Variants in IGF1R observed in about 807,000 individuals in gnomAD.
The protein encoded by IGF1R is insulin-like growth factor 1 receptor.
IGF1R carries 44 observed loss-of-function variants against 144.6 expected under a neutral mutation model. The ratio of observed to expected loss-of-function variants is 0.30; its 90% confidence interval spans 0.24 to 0.39. The LOEUF is 0.39. Among genes scored for constraint, IGF1R ranks in the 10% least tolerant of loss-of-function variants. The pLI, the probability that IGF1R is intolerant of heterozygous loss-of-function variation, is 1.00. For synonymous variants in IGF1R, 795 were observed against 722.8 expected (o/e 1.10, Z -1.60); for missense variants, 1,355 against 1,833.7 (o/e 0.74, Z 4.77).
chr15:98,793,105 G>A (rs2056163405), intron 2 of IGF1R, among the ~76,000 whole-genome samples: 1 of 152,196 alleles, frequency 6.6e-6, no homozygotes, highest in Non-Finnish European at 1.5e-5. Context: ...TTACTAATCT[G>A]TGAAGTTGCT....
intron 1 of IGF1R, among the ~76,000 whole-genome samples, chr15:98,680,240 C>T (rs1047330826): frequency 7.3e-5 from 11 of 151,654 alleles, no homozygotes; most frequent in Non-Finnish European, 1.0e-4. Flanking sequence ...AAGCTTTATT[C>T]GTGGTGGTAC....
chr15:98,827,311 C>G (rs769456364), intron 2 of IGF1R, among the ~76,000 whole-genome samples: 1 of 152,168 alleles, frequency 6.6e-6, no homozygotes, highest in Non-Finnish European at 1.5e-5. Context: ...TGCACTATGC[C>G]CTGTAACCTC....
At chr15:98,904,379 T>C (rs1439242609) in intron 5 of IGF1R, among the ~76,000 whole-genome samples, 1 of 152,038 alleles carries the variant, frequency 6.6e-6, no homozygotes, top group African/African-American at 2.4e-5. Flanking sequence ...ATAGGCAGGT[T>C]ATACTTCAGA....
Position 98,957,417 on chromosome 15 carries a change from C to G in IGF1R, c.4079C>G (p.Pro1360Arg), listed in dbSNP as rs779623011. 3 of 1,613,190 alleles carry G rather than the reference C, an allele frequency of 1.9e-6. No individual in the cohort carries two copies. The highest frequency in any genetic ancestry group is 2.5e-6 in the Non-Finnish European group (3 of 1,180,046). Residue 1360 changes from proline (P) to arginine (R), a missense_variant, in exon 21 of 21, where the codon CCG (proline) becomes CGG (arginine). Coordinates refer to ENST00000650285, the MANE Select transcript of IGF1R (RefSeq NM_000875.5). ...GGCCGCAAGAACGAGCGGGCCTTGCCGCTGCCCCAGTCTTCGACCTGCTGA... is the reference window on the plus strand; with the variant it reads ...GGCCGCAAGAACGAGCGGGCCTTGCGGCTGCCCCAGTCTTCGACCTGCTGA... ...NGGRKNERAL[P>R]LPQSSTC is the part of the protein sequence containing the mutation.
rs1301034780 is a variant in IGF1R at position 98,964,129 on chromosome 15, G to C, written c.*6687G>C. ...TACCTCTGGGTATCCCTTTGTCTGG[G>C]ATAAAAAAAATCAAACCAGAAGGCG... On this transcript the variant is annotated 3_prime_UTR_variant, in exon 21 of 21. Transcript: ENST00000650285. The C allele has an allele frequency of 4.3e-6, 1 of 232,078 alleles. No individual in the cohort carries two copies. The highest frequency in any genetic ancestry group is 8.5e-6 in the Non-Finnish European group (1 of 117,556). 14.4% of individuals were successfully genotyped at this position (232,078 alleles called of 1,614,324 possible).
chr15:98,763,399 T>C (rs1189570730), intron 2 of IGF1R, among the ~76,000 whole-genome samples: 2 of 152,198 alleles, frequency 1.3e-5, no homozygotes, highest in East Asian at 1.9e-4. Context: ...CCTTAGTTTG[T>C]TTGCTTGTTT....
At chr15:98,682,695 G>C (rs45624137) in intron 1 of IGF1R, among the ~76,000 whole-genome samples, 1 of 151,824 alleles carries the variant, frequency 6.6e-6, no homozygotes, top group African/African-American at 2.4e-5. Flanking sequence ...TTACAGGCAC[G>C]TGCCACCATG....
At chr15:98,930,947 G>T (rs1163796704) in intron 15 of IGF1R, among the ~76,000 whole-genome samples, 1 of 152,120 alleles carries the variant, frequency 6.6e-6, no homozygotes, top group African/African-American at 2.4e-5. Flanking sequence ...TGAGTGAGTC[G>T]GATTAGGGTG....
intron 2 of IGF1R, among the ~76,000 whole-genome samples, chr15:98,744,665 C>G (rs1335502491): frequency 6.6e-6 from 1 of 151,960 alleles, no homozygotes; most frequent in Non-Finnish European, 1.5e-5. Context: ...ACCCAGAGGT[C>G]TGAGGACAGG....
intron 1 of IGF1R, among the ~76,000 whole-genome samples, chr15:98,689,536 A>G (rs911535611): frequency 1.5e-5 from 2 of 130,606 alleles, no homozygotes; most frequent in African/African-American, 3.4e-5. Flanking sequence ...CAGTTGCACT[A>G]CATTTTTTTT....
intron 2 of IGF1R, among the ~76,000 whole-genome samples, chr15:98,815,947 A>G (rs761385427): frequency 6.6e-6 from 1 of 152,150 alleles, no homozygotes; most frequent in Non-Finnish European, 1.5e-5. Flanking sequence ...TCAATATGGT[A>G]AAATATTTGC....
At chr15:98,851,932 T>C (rs1428893005) in intron 2 of IGF1R, among the ~76,000 whole-genome samples, 1 of 152,212 alleles carries the variant, frequency 6.6e-6, no homozygotes, top group Non-Finnish European at 1.5e-5. Context: ...GGCATCTGAT[T>C]CACCCGTGTG....
chr15:98,764,821 AT>A (rs1949239307), intron 2 of IGF1R, among the ~76,000 whole-genome samples: 1 of 152,156 alleles, frequency 6.6e-6, no homozygotes, highest in Non-Finnish European at 1.5e-5. Context: ...TAAAATTCAT[AT>A]GACATAAAAT....
chr15:98,661,904 C>T (rs2052607284), intron 1 of IGF1R, among the ~76,000 whole-genome samples: 1 of 151,234 alleles, frequency 6.6e-6, no homozygotes, highest in Admixed American at 6.6e-5. Context: ...TCTGGGGCCT[C>T]CAGTCCTCCT....
At chr15:98,755,625 A>T (rs1371537150) in intron 2 of IGF1R, among the ~76,000 whole-genome samples, 1 of 146,150 alleles carries the variant, frequency 6.8e-6, no homozygotes, top group East Asian at 2.2e-4. Flanking sequence ...AGGCTGAGGC[A>T]GGAGAATTGC....
intron 15 of IGF1R, among the ~76,000 whole-genome samples, chr15:98,933,620 A>G (rs1394312340): frequency 6.6e-6 from 1 of 152,206 alleles, no homozygotes; most frequent in Non-Finnish European, 1.5e-5. Flanking sequence ...GCCACCGCAC[A>G]CGGCCCATTT....
chr15:98,929,512 A>G, intron 13 of IGF1R, 46 bp from the exon 14 acceptor site: 3 of 1,450,644 alleles, frequency 2.1e-6, no homozygotes, highest in Non-Finnish European at 2.9e-6. Context: ...AAATGAGCAA[A>G]TTGTTCACCT....
chr15:98,817,470 G>C lies in IGF1R; in HGVS notation c.641-73855G>C, dbSNP rs113852777. On this transcript the variant is annotated intron_variant, in intron 2 of 20. Transcript: ENST00000650285. ...GCAGGAGTGCTGGGTTGGGGGCCAG[G>C]TGTGGTTGAGGGGTGCTGTATTACG... Among the ~76,000 whole-genome samples, 164 of 152,212 alleles carry C rather than the reference G, an allele frequency of 1.1e-3. 1 individual carries two copies. The highest frequency in any genetic ancestry group is 3.6e-3 in the African/African-American group (148 of 41,524).
chr15:98,708,332 A>G (rs537840376), intron 2 of IGF1R, among the ~76,000 whole-genome samples: 12 of 152,238 alleles, frequency 7.9e-5, no homozygotes, highest in African/African-American at 2.4e-4. Flanking sequence ...GCGTGGCTGG[A>G]GGCCATCATG....
Sources: allele counts gnomAD v4.1 joint callset (sites outside exome capture counted in the v4.1 genomes callset), GRCh38; gene constraint gnomAD v4.1.1; transcripts MANE v1.5; gene names NCBI Gene and HGNC (gene_info 2026-07-23, HGNC 2026-07-21).